Variants in AK5 observed in about 807,000 individuals in gnomAD.
AK5 encodes adenylate kinase 5, also known as adenylate kinase isoenzyme 5.
Under a neutral mutation model 69.5 loss-of-function variants are expected in AK5, and 27 were observed. The observed-to-expected ratio is 0.39, with a 90% CI of 0.29 to 0.54. AK5 has a LOEUF of 0.54. Among genes scored for constraint, AK5 ranks in the 20% least tolerant of loss-of-function variants. The pLI, the probability that AK5 is intolerant of heterozygous loss-of-function variation, is 0.71. For missense variants in AK5, 531 were observed against 700.4 expected, an observed-to-expected ratio of 0.76 and a Z score of 2.73; for synonymous variants, 260 against 244.4, an observed-to-expected ratio of 1.06 and a Z score of -0.60.
In AK5 at chr1:77,445,399, T is replaced by G. The variant is rs575758325; in HGVS notation, c.1059+27684T>G. Among the ~76,000 whole-genome samples, 37 of 152,334 alleles carry G rather than the reference T, an allele frequency of 2.4e-4. No homozygotes were observed. In the Middle Eastern group the frequency reaches 0.01, roughly 42 times the overall value. On this transcript the variant is annotated intron_variant, in intron 8 of 13. Transcript: ENST00000354567. ...ATTAGGGATGTTGAGTACCTTTTCA[T>G]GTACCTGTTGGCCATTTTTAATATC... is the stretch of plus-strand genomic sequence containing the variant.
chr1:77,419,430 A>T (rs187050788), intron 8 of AK5, among the ~76,000 whole-genome samples: 4 of 152,354 alleles, frequency 2.6e-5, no homozygotes, highest in Non-Finnish European at 4.4e-5. Context: ...TCTGAAAGAA[A>T]TCATAATATA....
Position 77,486,431 on chromosome 1 carries a change from T to C in AK5, c.1147+79T>C, listed in dbSNP as rs183631900. The C allele has an allele frequency of 7.3e-3, 7,798 of 1,064,314 alleles. 104 individuals carry two copies. The highest frequency in any genetic ancestry group is 0.04 in the South Asian group (2,942 of 73,834). The allele number at this position is 1,064,314 out of a possible 1,614,324, so 65.9% of individuals were successfully genotyped here. A position where few individuals can be genotyped will look rare whatever the true frequency, so the allele number is the denominator to read the frequency against. ...TGGTAGTGGGCCAGGTGCGGTGGCTTACACCTGTAATCCCAGCACTGTGGG... is the reference window on the plus strand; with the variant it reads ...TGGTAGTGGGCCAGGTGCGGTGGCTCACACCTGTAATCCCAGCACTGTGGG... On this transcript the variant is annotated intron_variant, in intron 10 of 13. Coordinates refer to ENST00000354567, the MANE Select transcript of AK5 (RefSeq NM_174858.3).
intron 5 of AK5, among the ~76,000 whole-genome samples, chr1:77,308,626 T>A (rs1386002367): frequency 6.6e-6 from 1 of 151,952 alleles, no homozygotes; most frequent in South Asian, 2.1e-4. Flanking sequence ...AGCGATGTGT[T>A]TTTAAAAGGT....
chr1:77,391,489 GTGTGTGTATATATA>G lies in AK5; in HGVS notation c.892-19490_892-19477del, dbSNP rs1379610854. ...TACACATATGTGTGTGTGTATGTGT[GTGTGTGTATATATA>G]TATATATATATATATATATATATAT... On this transcript the variant is annotated intron_variant, in intron 6 of 13. Coordinates refer to ENST00000354567, the MANE Select transcript of AK5 (RefSeq NM_174858.3). 2.4e-3 allele frequency among the ~76,000 whole-genome samples: 46 copies of G among 18,790 alleles called. 3 individuals carry two copies. In the South Asian group the frequency reaches 0.047, roughly 19 times the overall value. The allele number at this position is 18,790 out of a possible 152,430, so 12.3% of individuals were successfully genotyped here. A position where few individuals can be genotyped will look rare whatever the true frequency, so the allele number is the denominator to read the frequency against.
intron 9 of AK5, among the ~76,000 whole-genome samples, chr1:77,483,933 G>A (rs1655424383): frequency 6.6e-6 from 1 of 152,166 alleles, no homozygotes; most frequent in Admixed American, 6.5e-5. Flanking sequence ...GGGAGGCCAA[G>A]GCGGCCGGAT....
chr1:77,336,238 C>A (rs748483513), intron 5 of AK5, among the ~76,000 whole-genome samples: 1 of 152,026 alleles, frequency 6.6e-6, no homozygotes, highest in Non-Finnish European at 1.5e-5. Context: ...TGCGCCACCA[C>A]GCCCAGCTAC....
At position 77,497,329 on chromosome 1, in the gene AK5, G is replaced by A. The variant is rs140946303; in HGVS notation, c.1147+10977G>A. Among the ~76,000 whole-genome samples the A allele has an allele frequency of 7.3e-3, 1,114 of 152,266 alleles. 7 individuals are homozygous for A. The highest frequency in any genetic ancestry group is 0.041 in the Middle Eastern group (12 of 294). On this transcript the variant is annotated intron_variant, in intron 10 of 13. Coordinates refer to ENST00000354567, the MANE Select transcript of AK5 (RefSeq NM_174858.3). Reference sequence around the variant, plus strand: ...GCTGTAACACTCACTGCAAAGGTCTGCGTCTTCACTCCTGAAGTCAAGCAA... The same window carrying A: ...GCTGTAACACTCACTGCAAAGGTCTACGTCTTCACTCCTGAAGTCAAGCAA...
chr1:77,459,804 G>A (rs1653715192), intron 8 of AK5, among the ~76,000 whole-genome samples: 1 of 152,242 alleles, frequency 6.6e-6, no homozygotes, highest in Non-Finnish European at 1.5e-5. Context: ...AGAAAAGGAA[G>A]TGGGAAGAAG....
chr1:77,296,765 A>C (rs972801655), intron 3 of AK5, among the ~76,000 whole-genome samples: 1 of 152,212 alleles, frequency 6.6e-6, no homozygotes, highest in African/African-American at 2.4e-5. Flanking sequence ...CTTTTGATTT[A>C]AAAAATAATC....
intron 10 of AK5, among the ~76,000 whole-genome samples, chr1:77,510,652 A>T (rs1235055720): frequency 1.3e-5 from 2 of 152,196 alleles, no homozygotes; most frequent in East Asian, 3.8e-4. Flanking sequence ...ACCGAGAGAA[A>T]TATATTTCAT....
At position 77,483,203 on chromosome 1, in the gene AK5, T is replaced by C. The variant is rs372465716; in HGVS notation, c.1060-114T>C. On this transcript the variant is annotated intron_variant, in intron 8 of 13. Coordinates refer to ENST00000354567, the MANE Select transcript of AK5 (RefSeq NM_174858.3). ...AAAATATTGTCCCTCATAAAATTGT[T>C]TGGAGGTGCCTCCCTCTTACAGTTG... is the stretch of plus-strand genomic sequence containing the variant. The C allele has an allele frequency of 1.5e-4, 114 of 738,436 alleles. 1 individual carries two copies. The highest frequency in any genetic ancestry group is 1.3e-3 in the South Asian group (82 of 64,646). 45.7% of individuals were successfully genotyped at this position (738,436 alleles called of 1,614,324 possible). A position where few individuals can be genotyped will look rare whatever the true frequency, so the allele number is the denominator to read the frequency against.
chr1:77,496,149 G>A (rs780800611), intron 10 of AK5, among the ~76,000 whole-genome samples: 2 of 152,198 alleles, frequency 1.3e-5, no homozygotes, highest in Non-Finnish European at 2.9e-5. Context: ...GAGAGAGGAA[G>A]TCAGAGCTGA....
chr1:77,356,275 C>G (rs985648281), intron 6 of AK5, among the ~76,000 whole-genome samples: 3 of 152,198 alleles, frequency 2.0e-5, no homozygotes, highest in Non-Finnish European at 4.4e-5. Flanking sequence ...GTATCTCAAT[C>G]TCCTAGAACA....
Position 77,374,311 on chromosome 1 carries a change from A to G in AK5, c.891+33743A>G, listed in dbSNP as rs376837879. Among the ~76,000 whole-genome samples the G allele has an allele frequency of 2.6e-5, 4 of 152,142 alleles. 1 individual carries two copies. The highest frequency in any genetic ancestry group is 9.6e-5 in the African/African-American group (4 of 41,504). On this transcript the variant is annotated intron_variant, in intron 6 of 13. Coordinates refer to ENST00000354567, the MANE Select transcript of AK5 (RefSeq NM_174858.3). ...ACCTTACTTGATAGCAAAGTGTCCA[A>G]TTAATTCTCCAAGTAGTTATCATGA... is the stretch of plus-strand genomic sequence containing the variant.
intron 5 of AK5, among the ~76,000 whole-genome samples, chr1:77,326,070 G>A (rs1229575485): frequency 1.3e-5 from 2 of 152,054 alleles, no homozygotes; most frequent in Admixed American, 6.6e-5. Flanking sequence ...TCAAATTATG[G>A]CTGGACTTTA....
At chr1:77,311,881 T>G (rs893018125) in intron 5 of AK5, among the ~76,000 whole-genome samples, 1 of 152,298 alleles carries the variant, frequency 6.6e-6, no homozygotes, top group East Asian at 1.9e-4. Context: ...CTGCTAAGAA[T>G]GGCTGGAAAC....
intron 10 of AK5, among the ~76,000 whole-genome samples, chr1:77,507,545 G>A (rs1032267035): frequency 3.9e-5 from 6 of 152,186 alleles, no homozygotes; most frequent in African/African-American, 1.4e-4. Flanking sequence ...CCACTGGTGT[G>A]AAATAGGCCA....
intron 6 of AK5, among the ~76,000 whole-genome samples, chr1:77,345,475 G>A (rs1027908205): frequency 1.3e-5 from 2 of 152,182 alleles, no homozygotes; most frequent in Admixed American, 1.3e-4. Flanking sequence ...CCTAATTTTA[G>A]TACTTACTAG....
At chr1:77,537,684 A>C (rs748947947) in intron 13 of AK5, among the ~76,000 whole-genome samples, 5 of 152,208 alleles carry the variant, frequency 3.3e-5, no homozygotes, top group Non-Finnish European at 7.3e-5. Flanking sequence ...AGGAAGCTAC[A>C]TTACTGATTC....
Sources: allele counts gnomAD v4.1 joint callset (sites outside exome capture counted in the v4.1 genomes callset), GRCh38; gene constraint gnomAD v4.1.1; transcripts MANE v1.5; gene names NCBI Gene and HGNC (gene_info 2026-07-23, HGNC 2026-07-21).